The following FAM20C variants were observed in gnomAD, a reference collection of about 807,000 sequenced individuals.
FAM20C encodes the protein FAM20C golgi associated secretory pathway kinase, also known as extracellular serine/threonine protein kinase FAM20C.
Under a neutral mutation model 51.5 loss-of-function variants are expected in FAM20C, and 40 were observed. That is an observed-to-expected ratio of 0.78 (90% CI 0.60 to 1.01). FAM20C has a LOEUF of 1.01. Among genes scored for constraint, FAM20C ranks in the 50% least tolerant of loss-of-function variants. The pLI is 0.00. For missense variants in FAM20C, 861 were observed against 844.7 expected, an observed-to-expected ratio of 1.02 and a Z score of -0.24; for synonymous variants, 406 against 380.6, an observed-to-expected ratio of 1.07 and a Z score of -0.78.
At position 224,289 on chromosome 7, in the gene FAM20C, A is replaced by ATTG. The variant is rs1562381237; in HGVS notation, c.863+15313_863+15314insTTG. 5.8e-4 allele frequency among the ~76,000 whole-genome samples: 29 copies of ATTG among 49,636 alleles called. 2 individuals carry two copies. Among genetic ancestry groups the ATTG allele is most frequent in the East Asian group, 1.4e-3 (2 of 1,450 alleles). 32.6% of individuals were successfully genotyped at this position (49,636 alleles called of 152,430 possible). A position where few individuals can be genotyped will look rare whatever the true frequency, so the allele number is the denominator to read the frequency against. Reference sequence around the variant, plus strand: ...GCGGCTGTCCCCTGAGCCTTCTCTCACGGAGCAGAATGGCACCGTCACGGG... The same window carrying ATTG: ...GCGGCTGTCCCCTGAGCCTTCTCTCATTGCGGAGCAGAATGGCACCGTCACGGG... On this transcript the variant is annotated intron_variant, in intron 3 of 9. Transcript: ENST00000313766.
intron 3 of FAM20C, among the ~76,000 whole-genome samples, chr7:217,891 G>A (rs1167032542): frequency 3.9e-5 from 6 of 152,126 alleles, no homozygotes; most frequent in African/African-American, 9.7e-5. Context: ...GGTGGTGCAC[G>A]TTGGCTGGGA....
rs200381918 is a variant in FAM20C, at chr7:195,606, G to A, written c.658G>A (p.Val220Met). 143 of 1,603,262 alleles carry A rather than the reference G, an allele frequency of 8.9e-5. No homozygotes were observed. Among genetic ancestry groups the A allele is most frequent in the Middle Eastern group, 1.6e-4 (1 of 6,070 alleles). Residue 220 changes from valine to methionine, a missense_variant, in exon 2 of 10, where the codon GTG becomes ATG. Coordinates refer to ENST00000313766, the MANE Select transcript of FAM20C (RefSeq NM_020223.4). Reference sequence around the variant, plus strand: ...ATTCCTCTCCCCCGGGGAGGCGGCCGTGGACTCCTATCCCAACTGGCTCAA... The same window carrying A: ...ATTCCTCTCCCCCGGGGAGGCGGCCATGGACTCCTATCCCAACTGGCTCAA... ...AEFLSPGEAA[V>M]DSYPNWLKFH...
At chr7:214,543 C>A (rs527993903) in intron 3 of FAM20C, among the ~76,000 whole-genome samples, 2 of 152,182 alleles carry the variant, frequency 1.3e-5, no homozygotes, top group South Asian at 4.1e-4. Flanking sequence ...CGGAACGGTG[C>A]GGCTTTAGGA....
At chr7:236,970 T>C (rs1029776739) in intron 3 of FAM20C, among the ~76,000 whole-genome samples, 31,208 of 151,816 alleles carry the variant, frequency 0.21, 4,716 homozygotes, top group African/African-American at 0.44. Flanking sequence ...AGAAAGCGTG[T>C]CATCACCACG....
At chr7:193,977 A>T in intron 1 of FAM20C, 173 bp downstream of exon 1, 1 of 1,040,274 alleles carries the variant, frequency 9.6e-7, no homozygotes, top group East Asian at 3.1e-5. Context: ...CTCCAGAATA[A>T]CCTCCTCCTT....
chr7:196,466 G>T (rs145144908), intron 2 of FAM20C, among the ~76,000 whole-genome samples: 2 of 152,366 alleles, frequency 1.3e-5, no homozygotes, highest in Non-Finnish European at 2.9e-5. Context: ...TGGAGAGGTA[G>T]TGAGGGCGGG....
rs1025732619 is a variant in FAM20C, at chr7:193,752, A to G, written c.553A>G (p.Asn185Asp). 2.6e-6 allele frequency: 4 copies of G among 1,549,380 alleles called. No individual in the cohort carries two copies. The highest frequency in any genetic ancestry group is 2.7e-5 in the African/African-American group (2 of 73,040). The change falls in exon 1 of 10, where the codon AAT becomes GAT. Residue 185 changes from asparagine to aspartate, a missense_variant. Asn to Asp is a conservative substitution (Grantham distance 23, BLOSUM62 1). Coordinates refer to ENST00000313766, the MANE Select transcript of FAM20C (RefSeq NM_020223.4). ...PPLTEEDVLF[N>D]VNSDTRLSPK... ...GCTCACGGAGGAGGACGTCCTGTTCAATGTGAACAGCGACACCAGGCTCAG... is the reference window on the plus strand; with the variant it reads ...GCTCACGGAGGAGGACGTCCTGTTCGATGTGAACAGCGACACCAGGCTCAG...
At chr7:258,853 A>C in intron 9 of FAM20C, 148 bp downstream of exon 9, 1 of 823,436 alleles carries the variant, frequency 1.2e-6, no homozygotes, top group South Asian at 1.9e-5. Flanking sequence ...AATTCAACCC[A>C]CACCCTCACT....
At chr7:242,545 G>T (rs1787975768) in intron 3 of FAM20C, among the ~76,000 whole-genome samples, 1 of 152,050 alleles carries the variant, frequency 6.6e-6, no homozygotes, top group African/African-American at 2.4e-5. Flanking sequence ...GCTGGGGGAG[G>T]GGGTGGACTC....
In FAM20C at chr7:248,369, C is replaced by A; in HGVS notation, c.1011C>A (p.Thr337=). 6.5e-7 allele frequency: 1 copy of A among 1,537,188 alleles called. No individual in the cohort carries two copies. Among genetic ancestry groups the A allele is most frequent in the South Asian group, 1.2e-5 (1 of 84,068 alleles). ...TGGCCGGCAGGATGGTCAACATGAC[C>A]AAGGAGATCCGGGACGTCACACGGG... ...PPVAGRMVNM[T]KEIRDVTRDK... Residue 337 remains threonine (T), a synonymous_variant, in exon 5 of 10, where the codon ACC becomes ACA. Transcript: ENST00000313766.
intron 3 of FAM20C, among the ~76,000 whole-genome samples, chr7:224,156 C>T (rs1401505886): frequency 6.7e-6 from 1 of 149,886 alleles, no homozygotes; most frequent in Non-Finnish European, 1.5e-5. Flanking sequence ...GCGGCTGTCC[C>T]CTGAGCATTC....
In FAM20C at chr7:255,779, G is replaced by A. The variant is rs559029473; in HGVS notation, c.1073-70G>A. 7.3e-5 allele frequency: 110 copies of A among 1,504,478 alleles called. No individual in the cohort carries two copies. In the African/African-American group the frequency reaches 1.4e-3, roughly 19 times the overall value. 93.2% of individuals were successfully genotyped at this position (1,504,478 alleles called of 1,614,324 possible). A position where few individuals can be genotyped will look rare whatever the true frequency, so the allele number is the denominator to read the frequency against. On this transcript the variant is annotated intron_variant, in intron 5 of 9. Transcript: ENST00000313766. Reference sequence around the variant, plus strand: ...CAGGCAGAGCCCGGCCCGGCCTTGGGGGCCGTGAGACCACAGGTGAGGACG... The same window carrying A: ...CAGGCAGAGCCCGGCCCGGCCTTGGAGGCCGTGAGACCACAGGTGAGGACG...
At chr7:247,346 C>T (rs974677184) in intron 4 of FAM20C, among the ~76,000 whole-genome samples, 2 of 152,156 alleles carry the variant, frequency 1.3e-5, no homozygotes, top group Admixed American at 6.5e-5. Flanking sequence ...TGCCCTGGTG[C>T]AGTGGAGGGA....
At chr7:233,764 GGGTTCAGATGC>G in intron 3 of FAM20C, among the ~76,000 whole-genome samples, 1 of 152,212 alleles carries the variant, frequency 6.6e-6, no homozygotes, top group Non-Finnish European at 1.5e-5. Context: ...ACAGGTCCTG[GGGTTCAGATGC>G]GGACAACTTT....
intron 3 of FAM20C, among the ~76,000 whole-genome samples, chr7:231,415 G>A (rs1401601217): frequency 6.6e-6 from 1 of 151,992 alleles, no homozygotes; most frequent in East Asian, 1.9e-4. Flanking sequence ...CGAGGGCCGC[G>A]TGGGAGGAGG....
intron 5 of FAM20C, among the ~76,000 whole-genome samples, chr7:252,027 C>G (rs1367705882): frequency 6.6e-6 from 1 of 152,248 alleles, no homozygotes; most frequent in Non-Finnish European, 1.5e-5. Flanking sequence ...ATTTGACTTT[C>G]TCTCAAGCAG....
intron 5 of FAM20C, among the ~76,000 whole-genome samples, chr7:254,483 A>G (rs539063713): frequency 6.6e-6 from 1 of 152,384 alleles, no homozygotes; most frequent in African/African-American, 2.4e-5. Context: ...AGATTTAATC[A>G]GCAAATAAAT....
chr7:195,492 C>T lies in FAM20C; in HGVS notation c.606-62C>T, dbSNP rs375624919. The T allele has an allele frequency of 4.2e-3, 5,793 of 1,363,208 alleles. 28 individuals carry two copies. The highest frequency in any genetic ancestry group is 4.9e-3 in the Non-Finnish European group (5,144 of 1,049,400). 84.4% of individuals were successfully genotyped at this position (1,363,208 alleles called of 1,614,324 possible). On this transcript the variant is annotated intron_variant, in intron 1 of 9. Coordinates refer to ENST00000313766, the MANE Select transcript of FAM20C (RefSeq NM_020223.4). The stretch of plus-strand genomic sequence containing the variant: ...AACACTGGCGTCGGTGCCCTCTCCC[C>T]GTCATCCGACTCACGGGCCTGTTCT...
At chr7:250,044 A>G (rs552079273) in intron 5 of FAM20C, among the ~76,000 whole-genome samples, 2 of 152,264 alleles carry the variant, frequency 1.3e-5, no homozygotes, top group East Asian at 3.9e-4. Context: ...GGAGGCTCTC[A>G]CTGTAGGGGG....
Sources: allele counts gnomAD v4.1 joint callset (sites outside exome capture counted in the v4.1 genomes callset), GRCh38; gene constraint gnomAD v4.1.1; transcripts MANE v1.5; gene names NCBI Gene and HGNC (gene_info 2026-07-23, HGNC 2026-07-21).